Variants in PCDHA11 observed in about 807,000 individuals in gnomAD.
The protein encoded by PCDHA11 is protocadherin alpha-11.
PCDHA11 carries 61 observed loss-of-function variants against 70.3 expected under a neutral mutation model. That is an observed-to-expected ratio of 0.87 (90% CI 0.71 to 1.07). The LOEUF is 1.07. Among genes scored for constraint, PCDHA11 ranks in the 50% least tolerant of loss-of-function variants. The probability of loss-of-function intolerance (pLI) is 0.00; values close to 1 mark genes in which losing one functional copy is unlikely to be tolerated. For synonymous variants in PCDHA11, 633 were observed against 555.1 expected, an observed-to-expected ratio of 1.14 and a Z score of -1.97; for missense variants, 1,324 against 1,237.5, an observed-to-expected ratio of 1.07 and a Z score of -1.05.
chr5:140,871,072 G>T lies in PCDHA11; in HGVS notation c.1969G>T (p.Ala657Ser). The T allele has an allele frequency of 6.2e-7, 1 of 1,613,238 alleles. No individual in the cohort carries two copies. Among genetic ancestry groups the T allele is most frequent in the South Asian group, 1.1e-5 (1 of 91,080 alleles). The change falls in exon 1 of 4, where the codon GCG becomes TCG. Residue 657 changes from alanine (A) to serine (S), a missense_variant. Transcript: ENST00000398640. Reference protein sequence around the residue: ...LVLVKDHGEPALTATATVLVS... With the variant: ...LVLVKDHGEPSLTATATVLVS... ...ACTGGTGAAGGATCACGGTGAGCCGGCGCTGACGGCCACGGCCACCGTGCT... is the reference window on the plus strand; with the variant it reads ...ACTGGTGAAGGATCACGGTGAGCCGTCGCTGACGGCCACGGCCACCGTGCT...
Position 140,870,524 on chromosome 5 carries a change from T to C in PCDHA11, c.1421T>C (p.Phe474Ser), listed in dbSNP as rs1554164360. 2.2e-5 allele frequency: 35 copies of C among 1,614,076 alleles called. No homozygotes were observed. The highest frequency in any genetic ancestry group is 2.8e-5 in the Non-Finnish European group (33 of 1,180,042). ...KENNPPGCHI[F>S]TVSARDADAQ... ...AACAACCCACCAGGCTGCCACATCT[T>C]CACAGTGTCGGCGCGGGACGCGGAC... The change falls in exon 1 of 4, where the codon TTC becomes TCC. Residue 474 changes from phenylalanine (F) to serine (S), a missense_variant. Coordinates refer to ENST00000398640, the MANE Select transcript of PCDHA11 (RefSeq NM_018902.5).
chr5:140,927,574 G>T, intron 1 of PCDHA11: 1 of 1,614,168 alleles, frequency 6.2e-7, no homozygotes, highest in Non-Finnish European at 8.5e-7. Flanking sequence ...GGACACAAAT[G>T]ACAACGCGCC....
intron 1 of PCDHA11, among the ~76,000 whole-genome samples, chr5:140,944,593 TG>T: frequency 6.6e-6 from 1 of 152,318 alleles, no homozygotes; most frequent in South Asian, 2.1e-4. Flanking sequence ...AGAATTTCCC[TG>T]GGTAGAGTAG....
intron 1 of PCDHA11, among the ~76,000 whole-genome samples, chr5:140,901,764 G>A (rs1217710808): frequency 6.6e-6 from 1 of 152,120 alleles, no homozygotes; most frequent in Non-Finnish European, 1.5e-5. Context: ...GACAGGGATT[G>A]CATTGAATTT....
intron 1 of PCDHA11, among the ~76,000 whole-genome samples, chr5:140,906,929 C>T (rs1488297059): frequency 3.9e-5 from 6 of 152,122 alleles, no homozygotes; most frequent in African/African-American, 9.7e-5. Flanking sequence ...AAAAGTGTCC[C>T]GGTGTCAATC....
At chr5:140,941,409 C>G (rs1284702446) in intron 1 of PCDHA11, among the ~76,000 whole-genome samples, 1 of 149,924 alleles carries the variant, frequency 6.7e-6, no homozygotes, top group Non-Finnish European at 1.5e-5. Flanking sequence ...CTCCGCCTCC[C>G]GGGTTCAAGC....
chr5:140,911,052 G>T (rs1172408042), intron 1 of PCDHA11, among the ~76,000 whole-genome samples: 1 of 152,044 alleles, frequency 6.6e-6, no homozygotes, highest in Non-Finnish European at 1.5e-5. Context: ...AGGGGTGGTG[G>T]GGGGTGGGTC....
chr5:140,987,799 A>C (rs2097268880), intron 3 of PCDHA11, among the ~76,000 whole-genome samples: 2 of 152,140 alleles, frequency 1.3e-5, no homozygotes, highest in South Asian at 4.1e-4. Flanking sequence ...GATTTTTTTA[A>C]AGTGCCTGTC....
chr5:140,951,183 G>A (rs1554219780), intron 1 of PCDHA11, among the ~76,000 whole-genome samples: 3 of 151,518 alleles, frequency 2.0e-5, no homozygotes, highest in Admixed American at 6.6e-5. Flanking sequence ...GTCATTGTCC[G>A]CTAATTCCCA....
intron 1 of PCDHA11, among the ~76,000 whole-genome samples, chr5:140,895,055 A>T (rs1313066261): frequency 2.0e-5 from 3 of 152,118 alleles, no homozygotes; most frequent in Non-Finnish European, 4.4e-5. Flanking sequence ...ATTCTGCTTC[A>T]TATGGACTCA....
chr5:140,977,701 G>A (rs1299788207), intron 1 of PCDHA11, among the ~76,000 whole-genome samples: 2 of 152,146 alleles, frequency 1.3e-5, no homozygotes, highest in African/African-American at 4.8e-5. Context: ...AAATCTGTCT[G>A]AATATTGAGA....
intron 1 of PCDHA11, among the ~76,000 whole-genome samples, chr5:140,949,378 A>G (rs2094372256): frequency 6.6e-6 from 1 of 151,852 alleles, no homozygotes; most frequent in South Asian, 2.1e-4. Flanking sequence ...TGTCCTATCA[A>G]TTGCTCAGAG....
intron 1 of PCDHA11, among the ~76,000 whole-genome samples, chr5:140,942,587 CAT>C (rs2093330311): frequency 6.7e-6 from 1 of 148,732 alleles, no homozygotes; most frequent in East Asian, 2.0e-4. Flanking sequence ...TAGGATGTCA[CAT>C]ATAATTATAG....
rs782609302 is a variant in PCDHA11 at position 140,875,595 on chromosome 5, C to T, written c.2391+4101C>T. The T allele has an allele frequency of 6.2e-6, 10 of 1,613,842 alleles. No individual in the cohort carries two copies. The African/African-American group carries it at 8.0e-5, about 13-fold the overall frequency. ...ACTCCGTCTACGAGGAGGCCAAACA[C>T]GGCACCTTCGTGGGCCGCATCGCTC... On this transcript the variant is annotated intron_variant, in intron 1 of 3. Transcript: ENST00000398640.
intron 1 of PCDHA11, among the ~76,000 whole-genome samples, chr5:140,898,029 TG>T (rs1583292931): frequency 6.6e-6 from 1 of 152,188 alleles, no homozygotes; most frequent in East Asian, 1.9e-4. Context: ...CACTTTTTGA[TG>T]GGGTTGTTTG....
At chr5:140,962,312 A>G (rs2095671896) in intron 1 of PCDHA11, among the ~76,000 whole-genome samples, 1 of 152,204 alleles carries the variant, frequency 6.6e-6, no homozygotes, top group African/African-American at 2.4e-5. Context: ...TTGTTAGGCC[A>G]TCTCAATTGA....
intron 1 of PCDHA11, chr5:140,882,427 G>A: frequency 6.2e-7 from 1 of 1,614,090 alleles, no homozygotes; most frequent in Non-Finnish European, 8.5e-7. Flanking sequence ...AGGACCTGGG[G>A]CTGGAGCTGG....
chr5:140,965,305 A>G (rs2095888625), intron 1 of PCDHA11, among the ~76,000 whole-genome samples: 2 of 152,136 alleles, frequency 1.3e-5, no homozygotes, highest in African/African-American at 4.8e-5. Context: ...TGATCCTTCT[A>G]CCTTCTCTTT....
chr5:140,913,960 T>A (rs114058923), intron 1 of PCDHA11, among the ~76,000 whole-genome samples: 2,762 of 152,276 alleles, frequency 0.018, 70 homozygotes, highest in African/African-American at 0.054. Context: ...ATATCATTTT[T>A]AAAAAAATAT....
Sources: gnomAD v4.1 joint callset for allele counts (sites outside exome capture counted in the v4.1 genomes callset) on GRCh38, gnomAD v4.1.1 for gene constraint, MANE v1.5 for transcripts, NCBI Gene and HGNC (gene_info 2026-07-23, HGNC 2026-07-21) for gene names.